VWA8: variants seen among roughly 807,000 people sequenced by gnomAD.
VWA8 encodes von Willebrand factor A domain-containing protein 8.
A neutral mutation model predicts 241.5 loss-of-function variants in VWA8; 221 were observed. That is an observed-to-expected ratio of 0.91 (90% CI 0.82 to 1.02). The LOEUF (loss-of-function observed/expected upper bound fraction) is 1.02, where lower values mean the gene tolerates loss of function less well. Among genes scored for constraint, VWA8 ranks in the 50% least tolerant of loss-of-function variants. The pLI is 0.00. For missense variants in VWA8, 2,322 were observed against 2,328.7 expected (o/e 1.00, Z 0.06); for synonymous variants, 852 against 827.1 (o/e 1.03, Z -0.52).
rs958510938 is a variant in VWA8, at chr13:41,640,967, T to TA, written c.4612-25884dup. ...TAACACAAAAACGAAGAGGATGAGA[T>TA]AAAAAAAAAACTGGTAGAAGATTGT... is the stretch of plus-strand genomic sequence containing the variant. On this transcript the variant is annotated intron_variant, in intron 37 of 44. Coordinates refer to ENST00000379310, the MANE Select transcript of VWA8 (RefSeq NM_015058.2). Among the ~76,000 whole-genome samples, 147 of 148,842 alleles carry TA rather than the reference T, an allele frequency of 9.9e-4. 2 individuals are homozygous for TA. The East Asian group carries it at 0.014, about 14-fold the overall frequency.
chr13:41,647,473 T>C (rs2044839138), intron 37 of VWA8, among the ~76,000 whole-genome samples: 1 of 152,192 alleles, frequency 6.6e-6, no homozygotes, highest in Non-Finnish European at 1.5e-5. Context: ...ATAAAAAGAA[T>C]TTTAAAAGGT....
At chr13:41,804,778 AAGTT>A (rs1461188720) in intron 17 of VWA8, among the ~76,000 whole-genome samples, 1 of 152,166 alleles carries the variant, frequency 6.6e-6, no homozygotes, top group Non-Finnish European at 1.5e-5. Context: ...TGGGTGGACA[AAGTT>A]AGAGTGTAGA....
intron 35 of VWA8, among the ~76,000 whole-genome samples, chr13:41,680,603 G>C (rs1593693317): frequency 6.6e-6 from 1 of 152,164 alleles, no homozygotes; most frequent in African/African-American, 2.4e-5. Context: ...CATATGAAAG[G>C]ATGCTCAAAT....
intron 26 of VWA8, among the ~76,000 whole-genome samples, chr13:41,715,123 T>C (rs2045340193): frequency 6.6e-6 from 1 of 151,930 alleles, no homozygotes; most frequent in African/African-American, 2.4e-5. Flanking sequence ...ATATTATATA[T>C]ATGCCATAGG....
chr13:41,811,174 G>A (rs763378189), intron 17 of VWA8, 51 bp downstream of exon 17: 55 of 1,466,252 alleles, frequency 3.8e-5, no homozygotes, highest in Non-Finnish European at 4.9e-5. Flanking sequence ...TTATCTTATA[G>A]TTTTAGTGAA....
chr13:41,875,027 C>CA (rs1175453358), intron 9 of VWA8, among the ~76,000 whole-genome samples: 1 of 152,088 alleles, frequency 6.6e-6, no homozygotes, highest in East Asian at 1.9e-4. Context: ...TGGCTCACTC[C>CA]AAATTTCCAG....
At position 41,811,351 on chromosome 13, in the gene VWA8, A is replaced by C. The variant is rs367913162; in HGVS notation, c.1948-11T>G. The C allele has an allele frequency of 7.4e-5, 119 of 1,600,606 alleles. No homozygotes were observed. The highest frequency in any genetic ancestry group is 9.8e-5 in the Non-Finnish European group (115 of 1,169,436). ...CGCTAATGATTGTGCCTATCAAAAG[A>C]CAAATACATTGTGTTAAGAGTCTTG... On this transcript the variant is annotated splice_polypyrimidine_tract_variant and intron_variant, in intron 16 of 44. Coordinates refer to ENST00000379310, the MANE Select transcript of VWA8 (RefSeq NM_015058.2).
intron 21 of VWA8, among the ~76,000 whole-genome samples, chr13:41,746,398 G>A (rs2045607014): frequency 6.6e-6 from 1 of 152,062 alleles, no homozygotes; most frequent in Non-Finnish European, 1.5e-5. Flanking sequence ...AAACAGCCCT[G>A]ACCACACCAC....
chr13:41,719,950 T>C (rs1242520087), intron 25 of VWA8, among the ~76,000 whole-genome samples: 1 of 152,090 alleles, frequency 6.6e-6, no homozygotes, highest in East Asian at 1.9e-4. Flanking sequence ...TTTAAATAAA[T>C]GCCAGAATTT....
At position 41,571,310 on chromosome 13, in the gene VWA8, C is replaced by CTCCCT. The variant is rs1246060181; in HGVS notation, c.5371-605_5371-604insAGGGA. Among the ~76,000 whole-genome samples the CTCCCT allele has an allele frequency of 1.7e-3, 182 of 107,512 alleles. 1 individual carries two copies. Among genetic ancestry groups the CTCCCT allele is most frequent in the African/African-American group, 6.5e-3 (172 of 26,488 alleles). The allele number at this position is 107,512 out of a possible 152,430, so 70.5% of individuals were successfully genotyped here. On this transcript the variant is annotated intron_variant, in intron 43 of 44. Coordinates refer to ENST00000379310, the MANE Select transcript of VWA8 (RefSeq NM_015058.2). ...CTCCCTCTCCCGTCTCCCTCTCCCT[C>CTCCCT]CTCCCTCTCCCTCTCCCGTCTCCCT...
Position 41,961,071 on chromosome 13 carries a change from C to T in VWA8, c.-56G>A. On this transcript the variant is annotated 5_prime_UTR_variant, in exon 1 of 45. Transcript: ENST00000379310. Reference sequence around the variant, plus strand: ...GGGGCTCGGGGATCGAGCGGCGTCCCGTGCAGGCACCGTGAGGCAGCGCGG... The same window carrying T: ...GGGGCTCGGGGATCGAGCGGCGTCCTGTGCAGGCACCGTGAGGCAGCGCGG... 2.2e-6 allele frequency: 3 copies of T among 1,337,054 alleles called. No individual in the cohort carries two copies. The highest frequency in any genetic ancestry group is 1.8e-5 in the South Asian group (1 of 55,186). 82.8% of individuals were successfully genotyped at this position (1,337,054 alleles called of 1,614,324 possible).
At chr13:41,923,399 C>A (rs958162829) in intron 2 of VWA8, among the ~76,000 whole-genome samples, 1 of 152,008 alleles carries the variant, frequency 6.6e-6, no homozygotes, top group Non-Finnish European at 1.5e-5. Flanking sequence ...CTAACCTGCA[C>A]GTTGTGCACA....
At chr13:41,623,994 A>G (rs1172083857) in intron 37 of VWA8, among the ~76,000 whole-genome samples, 1 of 152,212 alleles carries the variant, frequency 6.6e-6, no homozygotes, top group African/African-American at 2.4e-5. Context: ...TGACATTACC[A>G]CCAACTCCAG....
At chr13:41,858,901 G>A (rs1171199538) in intron 12 of VWA8, among the ~76,000 whole-genome samples, 1 of 152,172 alleles carries the variant, frequency 6.6e-6, no homozygotes, top group African/African-American at 2.4e-5. Context: ...AACAAGATGA[G>A]CTACAGACTC....
intron 26 of VWA8, among the ~76,000 whole-genome samples, chr13:41,705,853 A>T: frequency 6.6e-6 from 1 of 152,320 alleles, no homozygotes; most frequent in East Asian, 1.9e-4. Flanking sequence ...GAAAATAAAT[A>T]ATCAGAATGA....
At chr13:41,858,963 GA>G (rs1206522817) in intron 12 of VWA8, among the ~76,000 whole-genome samples, 2 of 152,040 alleles carry the variant, frequency 1.3e-5, no homozygotes, top group African/African-American at 4.8e-5. Flanking sequence ...TGTAATCTCA[GA>G]GCTTTAGGAG....
chr13:41,861,136 G>A (rs1872982641), intron 12 of VWA8, among the ~76,000 whole-genome samples: 1 of 152,012 alleles, frequency 6.6e-6, no homozygotes, highest in Admixed American at 6.6e-5. Flanking sequence ...GCGTGAACCT[G>A]GGAGGCGGAG....
intron 17 of VWA8, among the ~76,000 whole-genome samples, chr13:41,800,370 C>T (rs961339299): frequency 3.9e-5 from 6 of 152,138 alleles, no homozygotes; most frequent in African/African-American, 1.4e-4. Flanking sequence ...TAAGAGTTAA[C>T]AATTACTTAT....
At chr13:41,781,717 G>A (rs558275261) in intron 19 of VWA8, among the ~76,000 whole-genome samples, 1 of 152,092 alleles carries the variant, frequency 6.6e-6, no homozygotes, top group Admixed American at 6.5e-5. Context: ...TTAATGGAAG[G>A]CTTAATGAAG....
Sources: allele counts gnomAD v4.1 joint callset (sites outside exome capture counted in the v4.1 genomes callset), GRCh38; gene constraint gnomAD v4.1.1; transcripts MANE v1.5; gene names NCBI Gene and HGNC (gene_info 2026-07-23, HGNC 2026-07-21).